PDE4D: variants seen among roughly 807,000 people sequenced by gnomAD.
PDE4D encodes phosphodiesterase 4D, also known as 3',5'-cyclic-AMP phosphodiesterase 4D.
A neutral mutation model predicts 87.4 loss-of-function variants in PDE4D; 24 were observed. The observed-to-expected ratio is 0.27, with a 90% CI of 0.20 to 0.39. PDE4D has a LOEUF of 0.39. Among genes scored for constraint, PDE4D ranks in the 10% least tolerant of loss-of-function variants. The pLI, the probability that PDE4D is intolerant of heterozygous loss-of-function variation, is 1.00. For synonymous variants in PDE4D, 384 were observed against 383.2 expected, an observed-to-expected ratio of 1.00 and a Z score of -0.02; for missense variants, 714 against 1,041.0, an observed-to-expected ratio of 0.69 and a Z score of 4.32.
At position 60,357,798 on chromosome 5, in the gene PDE4D, C is replaced by A. The variant is rs144118524; in HGVS notation, c.-90+130144G>T. Among the ~76,000 whole-genome samples the A allele has an allele frequency of 4.6e-5, 7 of 152,210 alleles. 1 individual carries two copies. The highest frequency in any genetic ancestry group is 1.7e-4 in the African/African-American group (7 of 41,544). On this transcript the variant is annotated intron_variant, in intron 1 of 16. Coordinates refer to the PDE4D transcript ENST00000502484. ...GTAATAACATCAGTAGTAATGGTAACAACACAAGTAATAATAATATGTTTT... is the reference window on the plus strand; with the variant it reads ...GTAATAACATCAGTAGTAATGGTAAAAACACAAGTAATAATAATATGTTTT...
chr5:60,353,725 C>T (rs889460453), intron 1 of PDE4D, among the ~76,000 whole-genome samples: 1 of 152,136 alleles, frequency 6.6e-6, no homozygotes, highest in African/African-American at 2.4e-5. Context: ...TAATCCATAA[C>T]ATATATCACA....
chr5:59,923,225 A>C (rs1479107080), intron 3 of PDE4D, among the ~76,000 whole-genome samples: 1 of 152,184 alleles, frequency 6.6e-6, no homozygotes, highest in Admixed American at 6.5e-5. Flanking sequence ...AAGATTTCTC[A>C]CTTCAGGTCC....
At chr5:60,243,314 CA>C (rs1747345097) in intron 1 of PDE4D, among the ~76,000 whole-genome samples, 1 of 151,814 alleles carries the variant, frequency 6.6e-6, no homozygotes, top group African/African-American at 2.4e-5. Flanking sequence ...GCAACAAGAT[CA>C]AAACTATAAT....
chr5:59,242,659 A>AT (rs1389463593), intron 1 of PDE4D, among the ~76,000 whole-genome samples: 1 of 152,182 alleles, frequency 6.6e-6, no homozygotes, highest in East Asian at 1.9e-4. Flanking sequence ...AGTAACGATA[A>AT]TGAGTTCACA....
intron 1 of PDE4D, among the ~76,000 whole-genome samples, chr5:60,476,093 C>T (rs1337921641): frequency 6.6e-6 from 1 of 152,134 alleles, no homozygotes; most frequent in African/African-American, 2.4e-5. Context: ...GCATTCAAGT[C>T]TGCACTACAC....
rs1180710847 is a variant in PDE4D at position 58,971,720 on chromosome 5, A to T, written c.*2944T>A. On this transcript the variant is annotated 3_prime_UTR_variant, in exon 15 of 15. Coordinates refer to ENST00000340635, the MANE Select transcript of PDE4D (RefSeq NM_001104631.2). ...TTCAGTAACTTGCAAGCTGAAATGC[A>T]CTGGTTTTACACAAACTTGGACATT... 1.3e-5 allele frequency: 2 copies of T among 152,648 alleles called. No homozygotes were observed. Among genetic ancestry groups the T allele is most frequent in the Non-Finnish European group, 2.9e-5 (2 of 68,028 alleles). 9.5% of individuals were successfully genotyped at this position (152,648 alleles called of 1,614,324 possible). A position where few individuals can be genotyped will look rare whatever the true frequency, so the allele number is the denominator to read the frequency against.
At chr5:60,319,887 G>A (rs866591639) in intron 1 of PDE4D, among the ~76,000 whole-genome samples, 1 of 152,180 alleles carries the variant, frequency 6.6e-6, no homozygotes, top group Non-Finnish European at 1.5e-5. Context: ...GTGTCAGTCT[G>A]CCCCTACTGG....
At chr5:59,080,638 A>G (rs1380405065) in intron 5 of PDE4D, among the ~76,000 whole-genome samples, 1 of 152,130 alleles carries the variant, frequency 6.6e-6, no homozygotes, top group East Asian at 1.9e-4. Context: ...ACAGGGCAAA[A>G]CGGGGGCCCC....
At chr5:59,452,443 G>C (rs1219726847) in intron 1 of PDE4D, among the ~76,000 whole-genome samples, 1 of 152,160 alleles carries the variant, frequency 6.6e-6, no homozygotes, top group African/African-American at 2.4e-5. Flanking sequence ...CAACTTAGGG[G>C]TTAGAAACAA....
chr5:59,069,165 TC>T (rs1430928836), intron 5 of PDE4D, among the ~76,000 whole-genome samples: 4 of 152,100 alleles, frequency 2.6e-5, no homozygotes, highest in Non-Finnish European at 5.9e-5. Context: ...AAGCAAGCAT[TC>T]CAAAAATCAA....
intron 1 of PDE4D, among the ~76,000 whole-genome samples, chr5:60,322,049 A>G (rs1044041239): frequency 2.0e-5 from 3 of 152,254 alleles, no homozygotes; most frequent in Non-Finnish European, 4.4e-5. Flanking sequence ...CAACCCCATT[A>G]TTGGGTTTAT....
chr5:60,494,991 C>T (rs1749735994), intron 1 of PDE4D, among the ~76,000 whole-genome samples: 2 of 152,182 alleles, frequency 1.3e-5, no homozygotes, highest in Admixed American at 1.3e-4. Context: ...ATTATACAAC[C>T]TGTACCACAC....
chr5:59,260,032 G>C (rs1003479716), intron 1 of PDE4D, among the ~76,000 whole-genome samples: 2 of 151,744 alleles, frequency 1.3e-5, no homozygotes, highest in Admixed American at 6.6e-5. Context: ...TGATACACAA[G>C]GGACTCCCCT....
chr5:59,831,811 A>G (rs1197389198), intron 1 of PDE4D, among the ~76,000 whole-genome samples: 2 of 152,076 alleles, frequency 1.3e-5, no homozygotes, highest in African/African-American at 2.4e-5. Context: ...CTCAAGAGAA[A>G]TATGATCCCA....
chr5:59,006,473 G>A (rs962248056), intron 6 of PDE4D, among the ~76,000 whole-genome samples: 11 of 151,892 alleles, frequency 7.2e-5, no homozygotes, highest in African/African-American at 2.4e-4. Flanking sequence ...GGTGGGAGGT[G>A]GGAGGTGCTG....
chr5:59,137,157 A>G (rs1581001274), intron 5 of PDE4D, among the ~76,000 whole-genome samples: 1 of 152,098 alleles, frequency 6.6e-6, no homozygotes, highest in Non-Finnish European at 1.5e-5. Context: ...AGTCCTCCTC[A>G]CTTTCCCACA....
chr5:59,019,549 C>T (rs1436644734), intron 6 of PDE4D, among the ~76,000 whole-genome samples: 2 of 152,136 alleles, frequency 1.3e-5, no homozygotes, highest in Non-Finnish European at 2.9e-5. Context: ...GAGAGGCTCA[C>T]TCCTCCAGAA....
At chr5:60,289,402 G>T (rs990206262) in intron 1 of PDE4D, among the ~76,000 whole-genome samples, 2 of 151,994 alleles carry the variant, frequency 1.3e-5, no homozygotes, top group African/African-American at 4.8e-5. Context: ...AGACAATTTG[G>T]GTGATCCTAT....
chr5:59,760,953 C>T (rs1761889950), intron 1 of PDE4D, among the ~76,000 whole-genome samples: 2 of 152,096 alleles, frequency 1.3e-5, no homozygotes, highest in Admixed American at 6.6e-5. Context: ...CAAATTGACA[C>T]AGAGTTGTGC....
Sources: allele counts gnomAD v4.1 joint callset (sites outside exome capture counted in the v4.1 genomes callset), GRCh38; gene constraint gnomAD v4.1.1; transcripts MANE v1.5; gene names NCBI Gene and HGNC (gene_info 2026-07-23, HGNC 2026-07-21).